Variants in DSCAM observed in about 807,000 individuals in gnomAD.
DSCAM encodes the protein cell adhesion molecule DSCAM.
A neutral mutation model predicts 217.7 loss-of-function variants in DSCAM; 47 were observed. That is an observed-to-expected ratio of 0.22 (90% CI 0.17 to 0.28). The LOEUF (loss-of-function observed/expected upper bound fraction) is 0.28. DSCAM is among the 10% of genes least tolerant of loss of function. The probability of loss-of-function intolerance (pLI) is 1.00; values close to 1 mark genes in which losing one functional copy is unlikely to be tolerated. For synonymous variants in DSCAM, 1,056 were observed against 1,015.3 expected, an observed-to-expected ratio of 1.04 and a Z score of -0.76; for missense variants, 2,080 against 2,618.3, an observed-to-expected ratio of 0.79 and a Z score of 4.49.
chr21:40,019,151 T>A (rs1055782417), intron 32 of DSCAM, among the ~76,000 whole-genome samples: 2 of 152,260 alleles, frequency 1.3e-5, no homozygotes, highest in African/African-American at 2.4e-5. Context: ...CTGGATTCTC[T>A]AATTGTCCTC....
intron 3 of DSCAM, among the ~76,000 whole-genome samples, chr21:40,675,932 CTCTATAGCCACTAT>C (rs1365113432): frequency 6.6e-5 from 10 of 152,306 alleles, no homozygotes; most frequent in South Asian, 6.2e-4. Flanking sequence ...AACACATATA[CTCTATAGCCACTAT>C]TAGTAAAAAG....
intron 3 of DSCAM, among the ~76,000 whole-genome samples, chr21:40,541,635 C>A (rs901873994): frequency 2.0e-5 from 3 of 152,022 alleles, no homozygotes; most frequent in Admixed American, 2.0e-4. Context: ...TATACACACA[C>A]ATAAATGCAT....
intron 10 of DSCAM, among the ~76,000 whole-genome samples, chr21:40,294,056 A>G (rs890550650): frequency 3.9e-5 from 6 of 152,222 alleles, no homozygotes; most frequent in Middle Eastern, 3.2e-3. Flanking sequence ...ATTGGGGGGA[A>G]TTTAACTTTT....
intron 1 of DSCAM, among the ~76,000 whole-genome samples, chr21:40,845,739 C>T (rs1343530909): frequency 1.3e-5 from 2 of 152,140 alleles, no homozygotes; most frequent in Non-Finnish European, 2.9e-5. Flanking sequence ...GCCGTAGCTA[C>T]TCCCAGGCGA....
intron 32 of DSCAM, among the ~76,000 whole-genome samples, chr21:40,036,393 C>A (rs878987893): frequency 1.4e-5 from 2 of 145,372 alleles, no homozygotes; most frequent in Admixed American, 6.8e-5. Context: ...AACACCTCTA[C>A]GCAAATAAAC....
intron 20 of DSCAM, among the ~76,000 whole-genome samples, chr21:40,104,571 G>A (rs1488967545): frequency 6.6e-6 from 1 of 152,158 alleles, no homozygotes; most frequent in Non-Finnish European, 1.5e-5. Context: ...AATAGGAGGA[G>A]CACAGAGGGT....
intron 3 of DSCAM, among the ~76,000 whole-genome samples, chr21:40,677,087 T>C (rs1011972298): frequency 2.0e-5 from 3 of 152,216 alleles, no homozygotes; most frequent in South Asian, 4.2e-4. Flanking sequence ...ATGGCCTTTC[T>C]TTCCTAGTAT....
chr21:40,588,533 A>G (rs1205841572), intron 3 of DSCAM, among the ~76,000 whole-genome samples: 5 of 152,228 alleles, frequency 3.3e-5, no homozygotes, highest in African/African-American at 1.2e-4. Flanking sequence ...TTTTAGAGCA[A>G]CAGACTCTCC....
chr21:40,052,947 C>CT (rs2088956298), intron 29 of DSCAM, among the ~76,000 whole-genome samples: 1 of 152,096 alleles, frequency 6.6e-6, no homozygotes, highest in East Asian at 1.9e-4. Context: ...TTTTAAAAAG[C>CT]TTTTTTACTC....
intron 16 of DSCAM, among the ~76,000 whole-genome samples, chr21:40,166,650 G>A (rs2090597836): frequency 1.3e-5 from 2 of 152,208 alleles, no homozygotes; most frequent in South Asian, 4.1e-4. Flanking sequence ...TTCTCTCCCA[G>A]CTACTTCCAA....
At chr21:40,803,416 C>T (rs1000419092) in intron 1 of DSCAM, among the ~76,000 whole-genome samples, 1 of 152,140 alleles carries the variant, frequency 6.6e-6, no homozygotes, top group African/African-American at 2.4e-5. Flanking sequence ...ACTAAAGCCA[C>T]CTATAGGAGT....
intron 3 of DSCAM, among the ~76,000 whole-genome samples, chr21:40,643,627 C>G (rs1000957230): frequency 1.3e-5 from 2 of 152,158 alleles, no homozygotes; most frequent in Non-Finnish European, 2.9e-5. Flanking sequence ...CAACAAAATT[C>G]ATATATTGAA....
intron 5 of DSCAM, among the ~76,000 whole-genome samples, chr21:40,348,373 T>A (rs2074587502): frequency 6.6e-6 from 1 of 152,192 alleles, no homozygotes; most frequent in Non-Finnish European, 1.5e-5. Context: ...CCCCAGAGAG[T>A]TCCTATTAGC....
At chr21:40,488,881 A>G (rs2076051613) in intron 3 of DSCAM, among the ~76,000 whole-genome samples, 1 of 152,328 alleles carries the variant, frequency 6.6e-6, no homozygotes, top group Non-Finnish European at 1.5e-5. Context: ...GAGAGTTCAC[A>G]GCGATTTCAA....
intron 3 of DSCAM, among the ~76,000 whole-genome samples, chr21:40,670,457 G>A (rs2090259607): frequency 6.6e-6 from 1 of 151,088 alleles, no homozygotes; most frequent in Non-Finnish European, 1.5e-5. Context: ...GGAATCGCTT[G>A]AACCCGGGAG....
intron 3 of DSCAM, among the ~76,000 whole-genome samples, chr21:40,605,381 T>C (rs2089219431): frequency 6.6e-6 from 1 of 152,186 alleles, no homozygotes; most frequent in Admixed American, 6.5e-5. Context: ...CTGTTCAGCT[T>C]TTTTTCATGT....
intron 3 of DSCAM, among the ~76,000 whole-genome samples, chr21:40,689,844 G>A (rs1311846486): frequency 6.6e-6 from 1 of 152,160 alleles, no homozygotes; most frequent in African/African-American, 2.4e-5. Flanking sequence ...ATGGCATTCA[G>A]GACAGCTTCC....
intron 1 of DSCAM, among the ~76,000 whole-genome samples, chr21:40,826,416 G>T (rs1175879533): frequency 3.9e-5 from 6 of 152,234 alleles, no homozygotes; most frequent in African/African-American, 1.4e-4. Context: ...TTGAGGTGTA[G>T]GCAATGCTGT....
intron 1 of DSCAM, among the ~76,000 whole-genome samples, chr21:40,753,852 C>T (rs963467814): frequency 6.6e-6 from 1 of 152,162 alleles, no homozygotes; most frequent in African/African-American, 2.4e-5. Context: ...TGAACCGCAC[C>T]TGAAGTGGAG....
Sources: gnomAD v4.1 joint callset for allele counts (sites outside exome capture counted in the v4.1 genomes callset) on GRCh38, gnomAD v4.1.1 for gene constraint, MANE v1.5 for transcripts, NCBI Gene and HGNC (gene_info 2026-07-23, HGNC 2026-07-21) for gene names.